The following SLC14A2 variants were observed in gnomAD, a reference collection of about 807,000 sequenced individuals.
SLC14A2 encodes solute carrier family 14 member 2, also known as urea transporter 2.
SLC14A2 carries 91 observed loss-of-function variants against 104.6 expected under a neutral mutation model. The ratio of observed to expected loss-of-function variants is 0.87; its 90% CI spans 0.73 to 1.04. The LOEUF is 1.04. SLC14A2 is among the 50% of genes least tolerant of loss of function. The pLI is 0.00. For missense variants in SLC14A2, 1,189 were observed against 1,156.0 expected (o/e 1.03, Z -0.41); for synonymous variants, 476 against 466.4 (o/e 1.02, Z -0.27).
At chr18:45,520,621 C>A (rs2612571) in intron 2 of SLC14A2, among the ~76,000 whole-genome samples, 69,904 of 151,902 alleles carry the variant, frequency 0.46, 16,697 homozygotes, top group East Asian at 0.57. Context: ...TTTTTCTGGG[C>A]GTTTCCATCC....
chr18:45,298,977 TAA>T, intron 1 of SLC14A2, among the ~76,000 whole-genome samples: 1 of 146,776 alleles, frequency 6.8e-6, no homozygotes, highest in African/African-American at 2.5e-5. Flanking sequence ...ATTTAACTGT[TAA>T]AAAAAAAAAA....
intron 1 of SLC14A2, among the ~76,000 whole-genome samples, chr18:45,236,748 A>G (rs976553330): frequency 1.3e-5 from 2 of 151,948 alleles, no homozygotes; most frequent in African/African-American, 4.8e-5. Flanking sequence ...TCTCTTAAAC[A>G]TTGTGATTTC....
intron 2 of SLC14A2, among the ~76,000 whole-genome samples, chr18:45,496,060 A>G (rs2043092125): frequency 6.6e-6 from 1 of 152,092 alleles, no homozygotes; most frequent in Admixed American, 6.6e-5. Flanking sequence ...CTGTTTTCAA[A>G]CCAGACAGTT....
the SLC14A2 span, among the ~76,000 whole-genome samples, chr18:45,176,856 C>T: frequency 6.6e-6 from 1 of 152,188 alleles, no homozygotes; most frequent in African/African-American, 2.4e-5. Flanking sequence ...GTCCAGAGCA[C>T]AGGTCCATTT....
At chr18:45,514,168 G>C (rs2043405522) in intron 2 of SLC14A2, among the ~76,000 whole-genome samples, 1 of 152,180 alleles carries the variant, frequency 6.6e-6, no homozygotes, top group South Asian at 2.1e-4. Flanking sequence ...AATTTACAAG[G>C]AAAAGAGGTT....
the SLC14A2 span, among the ~76,000 whole-genome samples, chr18:45,201,571 T>TGTGTGTGA: frequency 6.6e-6 from 1 of 151,950 alleles, no homozygotes; most frequent in Non-Finnish European, 1.5e-5. Flanking sequence ...TGTGTGTGTG[T>TGTGTGTGA]GTGTGATTAA....
intron 1 of SLC14A2, 131 bp downstream of exon 1, chr18:45,615,713 A>C (rs576969982): frequency 6.6e-6 from 1 of 151,676 alleles, no homozygotes; most frequent in East Asian, 1.9e-4. Context: ...TTCTGTCTCC[A>C]CTGTGCCACC....
the SLC14A2 span, among the ~76,000 whole-genome samples, chr18:45,187,466 G>C: frequency 6.6e-6 from 1 of 152,124 alleles, no homozygotes; most frequent in Non-Finnish European, 1.5e-5. Context: ...TAATCTGGGG[G>C]TACTAAAATT....
intron 1 of SLC14A2, among the ~76,000 whole-genome samples, chr18:45,298,199 G>T (rs1568140903): frequency 6.6e-6 from 1 of 152,254 alleles, no homozygotes; most frequent in East Asian, 1.9e-4. Context: ...GATCATTTAA[G>T]ATTTAGGAAA....
At chr18:45,346,992 TAAATAAATAAATAAATAAAC>T (rs1266303907) in intron 1 of SLC14A2, among the ~76,000 whole-genome samples, 3,399 of 150,602 alleles carry the variant, frequency 0.023, 126 homozygotes, top group African/African-American at 0.076. Context: ...AATAAATAAA[TAAATAAATAAATAAATAAAC>T]AAACAAACAA....
intron 2 of SLC14A2, among the ~76,000 whole-genome samples, chr18:45,602,381 G>A (rs947964302): frequency 1.3e-5 from 2 of 152,176 alleles, no homozygotes; most frequent in African/African-American, 4.8e-5. Context: ...CCCTAATGAA[G>A]GTGGAAGAAG....
At chr18:45,190,175 G>A in the SLC14A2 span, among the ~76,000 whole-genome samples, 3 of 152,172 alleles carry the variant, frequency 2.0e-5, no homozygotes, top group Admixed American at 6.5e-5. Flanking sequence ...CTTGGGAACC[G>A]TTTGTTGACC....
At chr18:45,589,309 A>C (rs1282060001) in intron 2 of SLC14A2, among the ~76,000 whole-genome samples, 2 of 151,888 alleles carry the variant, frequency 1.3e-5, no homozygotes, top group Admixed American at 1.3e-4. Flanking sequence ...AAAGGAAAAA[A>C]AGCTGGAGAG....
chr18:45,372,737 C>A (rs2085736446), intron 1 of SLC14A2, among the ~76,000 whole-genome samples: 1 of 152,154 alleles, frequency 6.6e-6, no homozygotes. Flanking sequence ...AGGATCTAAA[C>A]CATCACTATC....
chr18:45,652,599 C>T (rs953520861), intron 10 of SLC14A2, among the ~76,000 whole-genome samples: 1 of 152,208 alleles, frequency 6.6e-6, no homozygotes, highest in Non-Finnish European at 1.5e-5. Flanking sequence ...GGCCTCCTCC[C>T]TCTGTAAAGT....
chr18:45,643,732 C>T (rs964187400), intron 9 of SLC14A2, among the ~76,000 whole-genome samples: 3 of 152,098 alleles, frequency 2.0e-5, no homozygotes, highest in African/African-American at 7.2e-5. Flanking sequence ...CACTTTGTTG[C>T]CAAGGCTGGT....
At chr18:45,411,119 G>C (rs1344721513) in intron 1 of SLC14A2, among the ~76,000 whole-genome samples, 2 of 152,160 alleles carry the variant, frequency 1.3e-5, no homozygotes, top group Non-Finnish European at 1.5e-5. Flanking sequence ...ACGAGCAATA[G>C]TTCAGAATTC....
At chr18:45,638,062 C>T (rs369638774) in intron 6 of SLC14A2, among the ~76,000 whole-genome samples, 5 of 152,298 alleles carry the variant, frequency 3.3e-5, no homozygotes, top group African/African-American at 1.2e-4. Flanking sequence ...TCATTCTTGA[C>T]CGCTTGGGCT....
At chr18:45,226,208 T>G (rs1264703805) in intron 1 of SLC14A2, among the ~76,000 whole-genome samples, 1 of 152,204 alleles carries the variant, frequency 6.6e-6, no homozygotes, top group African/African-American at 2.4e-5. Context: ...GGAACACTTT[T>G]ACACTGTTGG....
Sources: allele counts gnomAD v4.1 joint callset (sites outside exome capture counted in the v4.1 genomes callset), GRCh38; gene constraint gnomAD v4.1.1; transcripts MANE v1.5; gene names NCBI Gene and HGNC (gene_info 2026-07-23, HGNC 2026-07-21).